The following VSIG1 variants were observed in gnomAD, a reference collection of about 807,000 sequenced individuals.
VSIG1 encodes V-set and immunoglobulin domain-containing protein 1.
VSIG1 carries 11 observed loss-of-function variants against 20.1 expected under a neutral mutation model. The ratio of observed to expected loss-of-function variants is 0.55; its 90% CI spans 0.34 to 0.91. The LOEUF is 0.91. VSIG1 is among the 40% of genes least tolerant of loss of function. The probability of loss-of-function intolerance (pLI) is 0.02; values close to 1 mark genes in which losing one functional copy is unlikely to be tolerated. For synonymous variants in VSIG1, 126 were observed against 116.7 expected, an observed-to-expected ratio of 1.08 and a Z score of -0.52; for missense variants, 283 against 298.8, an observed-to-expected ratio of 0.95 and a Z score of 0.39.
chrX:108,077,579 T>C lies in VSIG1; in HGVS notation c.*198T>C. 2.4e-6 allele frequency: 1 copy of C among 415,674 alleles called. No homozygotes were observed. The highest frequency in any genetic ancestry group is 4.0e-6 in the Non-Finnish European group (1 of 249,991). 34.3% of individuals were successfully genotyped at this position (415,674 alleles called of 1,213,427 possible). ...AGCAAGGGTTCCTGTATTACCAATA[T>C]AGAATACTAACAATTTTACTAACAC... is the stretch of plus-strand genomic sequence containing the variant. On this transcript the variant is annotated 3_prime_UTR_variant, in exon 7 of 7. Transcript: ENST00000217957.
intron 5 of VSIG1, 89 bp from the exon 6 acceptor site, chrX:108,075,988 A>G (rs2031339458): frequency 9.1e-7 from 1 of 1,097,471 alleles, no homozygotes; most frequent in Non-Finnish European, 1.2e-6. Flanking sequence ...CACTATGTGA[A>G]TGGCCCTGAT....
chrX:108,045,616 A>G (rs1032180083), intron 1 of VSIG1, among the ~76,000 whole-genome samples: 7 of 112,480 alleles, frequency 6.2e-5, no homozygotes, highest in African/African-American at 2.3e-4. Context: ...GAAGAACAGA[A>G]ATTTACTGAG....
At chrX:108,029,283 A>T in the VSIG1 span, among the ~76,000 whole-genome samples, 1 of 111,775 alleles carries the variant, frequency 8.9e-6, no homozygotes, top group African/African-American at 3.3e-5. Flanking sequence ...TTGCAGGTCC[A>T]GTGTCTTTTT....
intron 2 of VSIG1, among the ~76,000 whole-genome samples, chrX:108,059,463 C>T (rs185253592): frequency 3.7e-4 from 42 of 112,170 alleles, no homozygotes; most frequent in Non-Finnish European, 5.5e-4. Context: ...ATCTGAATCA[C>T]TCTGCACCTC....
chrX:108,078,657 A>G lies in VSIG1; in HGVS notation c.*1276A>G, dbSNP rs1316546342. 1 of 112,221 alleles carries G rather than the reference A, an allele frequency of 8.9e-6. No homozygotes were observed. The highest frequency in any genetic ancestry group is 1.9e-5 in the Non-Finnish European group (1 of 53,291). 9.2% of individuals were successfully genotyped at this position (112,221 alleles called of 1,213,427 possible). ...AAAATCCCCACAACTTTGTCAAATA[A>G]TGTACAGGCAAACACTTTCAAATAT... On this transcript the variant is annotated 3_prime_UTR_variant, in exon 7 of 7. Transcript: ENST00000217957.
intron 6 of VSIG1, among the ~76,000 whole-genome samples, chrX:108,076,691 T>C (rs1638976466): frequency 9.0e-6 from 1 of 111,194 alleles, no homozygotes; most frequent in East Asian, 2.8e-4. Flanking sequence ...TACAACTATC[T>C]ATTGGGTATC....
chrX:108,073,260 C>T lies in VSIG1; in HGVS notation c.579C>T (p.Thr193=), dbSNP rs370374581. The T allele has an allele frequency of 2.9e-5, 35 of 1,209,061 alleles. No homozygotes were observed. Among genetic ancestry groups the T allele is most frequent in the South Asian group, 8.8e-5 (5 of 56,537 alleles). The change falls in exon 5 of 7, where the codon ACC becomes ACT. Residue 193 remains threonine, a synonymous_variant. Coordinates refer to ENST00000217957, the MANE Select transcript of VSIG1 (RefSeq NM_182607.5). ...CCCTGGTTTCAACAGACCCAACCAC[C>T]GGGATTTTGGTCATTGGAAATCTGA... ...VPVKENFNPT[T]GILVIGNLTN...
At chrX:108,029,850 C>T in the VSIG1 span, among the ~76,000 whole-genome samples, 13 of 111,118 alleles carry the variant, frequency 1.2e-4, no homozygotes, top group Non-Finnish European at 2.1e-4. Flanking sequence ...GGACAGAAAG[C>T]AGAAGAGTAG....
Position 108,072,702 on chromosome X carries a change from C to T in VSIG1, c.438C>T (p.Ser146=), listed in dbSNP as rs144418706. The T allele has an allele frequency of 2.0e-4, 236 of 1,209,437 alleles. No homozygotes were observed. Among genetic ancestry groups the T allele is most frequent in the Middle Eastern group, 9.2e-4 (4 of 4,350 alleles). ...VLVKPSKPLC[S]VQGRPETGHT... ...TGAAACCTTCTAAGCCCCTTTGTAGCGTTCAAGGAAGACCAGAAACTGGCC... is the reference window on the plus strand; with the variant it reads ...TGAAACCTTCTAAGCCCCTTTGTAGTGTTCAAGGAAGACCAGAAACTGGCC... Residue 146 remains serine (S), a synonymous_variant, in exon 4 of 7, where the codon AGC becomes AGT. Transcript: ENST00000217957.
intron 1 of VSIG1, among the ~76,000 whole-genome samples, chrX:108,054,796 T>C (rs746236431): frequency 6.4e-5 from 7 of 109,819 alleles, no homozygotes; most frequent in Middle Eastern, 4.7e-3. Flanking sequence ...TATTGAAATA[T>C]GTACCATGTA....
At chrX:108,021,223 T>A in the VSIG1 span, among the ~76,000 whole-genome samples, 5 of 111,957 alleles carry the variant, frequency 4.5e-5, no homozygotes, top group Admixed American at 9.5e-5. Context: ...TCCTCTAACA[T>A]CTGCTCAGAG....
At chrX:108,056,634 T>G (rs1161482955) in intron 1 of VSIG1, among the ~76,000 whole-genome samples, 1 of 112,614 alleles carries the variant, frequency 8.9e-6, no homozygotes, top group Admixed American at 9.4e-5. Flanking sequence ...TTAAAAGATA[T>G]TTAGCATCGT....
chrX:108,039,579 A>G, the VSIG1 span, among the ~76,000 whole-genome samples: 1 of 111,714 alleles, frequency 9.0e-6, no homozygotes, highest in African/African-American at 3.3e-5. Context: ...TCTGACTTAC[A>G]TATTAAAAGA....
chrX:108,056,452 T>C (rs1430539351), intron 1 of VSIG1, among the ~76,000 whole-genome samples: 1 of 111,612 alleles, frequency 9.0e-6, no homozygotes, highest in East Asian at 2.8e-4. Flanking sequence ...ATAAAAGGCC[T>C]ACAAATTGGA....
the VSIG1 span, among the ~76,000 whole-genome samples, chrX:108,039,677 C>T: frequency 9.1e-6 from 1 of 110,400 alleles, no homozygotes; most frequent in Non-Finnish European, 1.9e-5. Context: ...AGCCATGATC[C>T]GGGTAATGGG....
At chrX:108,026,003 T>C in the VSIG1 span, among the ~76,000 whole-genome samples, 1 of 112,758 alleles carries the variant, frequency 8.9e-6, no homozygotes, top group African/African-American at 3.2e-5. Flanking sequence ...GGGTTATGAG[T>C]CTTGTAGATG....
intron 1 of VSIG1, among the ~76,000 whole-genome samples, chrX:108,047,365 C>T (rs1328674161): frequency 2.7e-5 from 3 of 111,386 alleles, no homozygotes; most frequent in Non-Finnish European, 5.7e-5. Flanking sequence ...TTCAGGAAAA[C>T]GAGTTTTAAT....
At chrX:108,049,018 G>A (rs1271865204) in intron 1 of VSIG1, among the ~76,000 whole-genome samples, 2 of 112,039 alleles carry the variant, frequency 1.8e-5, no homozygotes, top group Non-Finnish European at 3.8e-5. Flanking sequence ...TATCATGGTT[G>A]GACAATGTCT....
chrX:108,062,971 A>T (rs1259865071), intron 2 of VSIG1, among the ~76,000 whole-genome samples: 1 of 112,446 alleles, frequency 8.9e-6, no homozygotes, highest in Non-Finnish European at 1.9e-5. Context: ...TTTATACTCC[A>T]TGCTTCTAGT....
Sources: gnomAD v4.1 joint callset for allele counts (sites outside exome capture counted in the v4.1 genomes callset) on GRCh38, gnomAD v4.1.1 for gene constraint, MANE v1.5 for transcripts, NCBI Gene and HGNC (gene_info 2026-07-23, HGNC 2026-07-21) for gene names.